Variants in ITPK1 observed in about 807,000 individuals in gnomAD.
ITPK1 encodes the protein inositol-tetrakisphosphate 1-kinase, also known as inositol 1,3,4-trisphosphate 5/6-kinase.
In ITPK1, 21 loss-of-function variants were observed where a neutral mutation model predicts 45.3. The observed-to-expected ratio is 0.46, with a 90% CI of 0.33 to 0.67. The LOEUF (loss-of-function observed/expected upper bound fraction) is 0.67. Among genes scored for constraint, ITPK1 ranks in the 30% least tolerant of loss-of-function variants. The pLI is 0.02. For missense variants in ITPK1, 474 were observed against 573.5 expected (o/e 0.83, Z 1.77); for synonymous variants, 258 against 253.6 (o/e 1.02, Z -0.16).
intron 3 of ITPK1, among the ~76,000 whole-genome samples, chr14:93,055,866 T>G (rs1333846425): frequency 1.3e-5 from 2 of 152,138 alleles, no homozygotes; most frequent in African/African-American, 4.8e-5. Flanking sequence ...GGAGTGGCAA[T>G]GACTCCACAG....
chr14:93,060,458 G>C (rs1278520505), intron 3 of ITPK1, among the ~76,000 whole-genome samples: 1 of 152,148 alleles, frequency 6.6e-6, no homozygotes, highest in African/African-American at 2.4e-5. Flanking sequence ...ACGTGGGCCA[G>C]GCATGCACCC....
At chr14:93,052,255 A>AT (rs1890047344) in intron 3 of ITPK1, among the ~76,000 whole-genome samples, 2 of 152,192 alleles carry the variant, frequency 1.3e-5, no homozygotes, top group Middle Eastern at 3.4e-3. Context: ...TATATGAGGG[A>AT]TTTTTTTCAA....
chr14:93,033,752 AG>A (rs1889179367), intron 3 of ITPK1, among the ~76,000 whole-genome samples: 1 of 152,170 alleles, frequency 6.6e-6, no homozygotes, highest in Non-Finnish European at 1.5e-5. Flanking sequence ...GGAACCAGGG[AG>A]GGTTTCTCCT....
At chr14:92,951,434 G>A (rs1387326735) in intron 9 of ITPK1, among the ~76,000 whole-genome samples, 1 of 152,182 alleles carries the variant, frequency 6.6e-6, no homozygotes, top group Non-Finnish European at 1.5e-5. Flanking sequence ...GACCCGCACT[G>A]CAGGGCACCT....
At chr14:92,957,155 T>A (rs538263722) in intron 8 of ITPK1, among the ~76,000 whole-genome samples, 1 of 152,310 alleles carries the variant, frequency 6.6e-6, no homozygotes, top group South Asian at 2.1e-4. Flanking sequence ...CCACAGGCAG[T>A]CCCCGGAGGA....
chr14:92,955,832 T>C (rs1884688725), intron 8 of ITPK1, among the ~76,000 whole-genome samples: 1 of 152,166 alleles, frequency 6.6e-6, no homozygotes, highest in Non-Finnish European at 1.5e-5. Context: ...GCAAAGGAAA[T>C]TGGAAAGCTG....
chr14:93,003,940 T>C (rs1365975375), intron 4 of ITPK1, among the ~76,000 whole-genome samples: 1 of 152,248 alleles, frequency 6.6e-6, no homozygotes, highest in African/African-American at 2.4e-5. Flanking sequence ...TGGGCTAGAA[T>C]AATTCATTTA....
At chr14:93,112,032 C>T (rs1035393788) in intron 2 of ITPK1, among the ~76,000 whole-genome samples, 11 of 152,038 alleles carry the variant, frequency 7.2e-5, no homozygotes, top group Non-Finnish European at 1.3e-4. Flanking sequence ...TTGCCATCAA[C>T]GTGCACTACC....
In ITPK1 at chr14:92,938,270, G is replaced by C. The variant is rs1887206481; in HGVS notation, c.*3291C>G. ...GCCATGCCCGGCCAGAGTTTCTAGG[G>C]AATAGAAGAGAGGGCAGATACAGAC... is the stretch of plus-strand genomic sequence containing the variant. On this transcript the variant is annotated 3_prime_UTR_variant, in exon 11 of 11. Transcript: ENST00000267615. 5.0e-6 allele frequency: 3 copies of C among 604,450 alleles called. No homozygotes were observed. The highest frequency in any genetic ancestry group is 8.8e-6 in the Non-Finnish European group (3 of 339,786). The allele number at this position is 604,450 out of a possible 1,614,324, so 37.4% of individuals were successfully genotyped here. A position where few individuals can be genotyped will look rare whatever the true frequency, so the allele number is the denominator to read the frequency against.
intron 5 of ITPK1, among the ~76,000 whole-genome samples, chr14:92,972,552 C>A (rs1219731642): frequency 6.6e-6 from 1 of 152,130 alleles, no homozygotes; most frequent in African/African-American, 2.4e-5. Flanking sequence ...TCATGCAGCC[C>A]ACGCAAATGA....
chr14:92,945,532 A>G (rs1282265295), intron 10 of ITPK1, among the ~76,000 whole-genome samples: 1 of 152,200 alleles, frequency 6.6e-6, no homozygotes, highest in East Asian at 1.9e-4. Context: ...GGAGAAAGGA[A>G]CGGGGGACCC....
At position 92,938,045 on chromosome 14, in the gene ITPK1, C is replaced by T. The variant is rs1189253574; in HGVS notation, c.*3516G>A. 2.0e-5 allele frequency: 4 copies of T among 200,504 alleles called. No individual in the cohort carries two copies. Among genetic ancestry groups the T allele is most frequent in the Non-Finnish European group, 3.0e-5 (3 of 98,624 alleles). The allele number at this position is 200,504 out of a possible 1,614,324, so 12.4% of individuals were successfully genotyped here. ...TGCGATCTTGGCTCACTGCAACCTACGCCTCCCGAGTTCAAGCAATTCTCC... is the reference window on the plus strand; with the variant it reads ...TGCGATCTTGGCTCACTGCAACCTATGCCTCCCGAGTTCAAGCAATTCTCC... On this transcript the variant is annotated 3_prime_UTR_variant, in exon 11 of 11. Transcript: ENST00000267615.
chr14:93,108,439 G>T (rs1252518515), intron 2 of ITPK1, among the ~76,000 whole-genome samples: 1 of 152,204 alleles, frequency 6.6e-6, no homozygotes, highest in Non-Finnish European at 1.5e-5. Context: ...AAACCATGTG[G>T]GAGAAATAAC....
At position 92,971,533 on chromosome 14, in the gene ITPK1, G is replaced by A. The variant is rs537920871; in HGVS notation, c.365-8684C>T. Among the ~76,000 whole-genome samples, 6 of 152,322 alleles carry A rather than the reference G, an allele frequency of 3.9e-5. No individual in the cohort carries two copies. In the South Asian group the frequency reaches 1.0e-3, roughly 26 times the overall value. On this transcript the variant is annotated intron_variant, in intron 5 of 10. Transcript: ENST00000267615. ...TACTATTGTCGTCATCACCTGGACCGTCATACGCAAGGTCTGCTGGGGAGG... is the reference window on the plus strand; with the variant it reads ...TACTATTGTCGTCATCACCTGGACCATCATACGCAAGGTCTGCTGGGGAGG...
At chr14:93,026,719 A>T (rs550831640) in intron 3 of ITPK1, among the ~76,000 whole-genome samples, 1 of 152,318 alleles carries the variant, frequency 6.6e-6, no homozygotes, top group South Asian at 2.1e-4. Flanking sequence ...GTCCAACAAG[A>T]AGGGACTGAA....
intron 3 of ITPK1, among the ~76,000 whole-genome samples, chr14:93,059,305 G>A (rs1890392731): frequency 1.5e-5 from 1 of 67,378 alleles, no homozygotes; most frequent in South Asian, 5.9e-4. Context: ...GACGAAGCAG[G>A]GGTGGAGGGG....
chr14:93,105,304 G>A (rs1437563938), intron 2 of ITPK1, among the ~76,000 whole-genome samples: 1 of 152,172 alleles, frequency 6.6e-6, no homozygotes, highest in African/African-American at 2.4e-5. Context: ...GAAACACACT[G>A]CTTCAGCCTT....
chr14:93,064,452 G>A (rs555219959), intron 3 of ITPK1, among the ~76,000 whole-genome samples: 1 of 152,164 alleles, frequency 6.6e-6, no homozygotes, highest in South Asian at 2.1e-4. Context: ...AGAGAATCCA[G>A]GAGCTCTAAA....
chr14:92,986,627 G>A (rs1378310606), intron 5 of ITPK1, among the ~76,000 whole-genome samples: 1 of 152,210 alleles, frequency 6.6e-6, no homozygotes, highest in African/African-American at 2.4e-5. Flanking sequence ...GACCAAGTGG[G>A]GTATCTCGTC....
Sources: allele counts gnomAD v4.1 joint callset (sites outside exome capture counted in the v4.1 genomes callset), GRCh38; gene constraint gnomAD v4.1.1; transcripts MANE v1.5; gene names NCBI Gene and HGNC (gene_info 2026-07-23, HGNC 2026-07-21).